TASP1: variants seen among roughly 807,000 people sequenced by gnomAD.
TASP1 encodes taspase 1, also known as threonine aspartase 1.
TASP1 carries 16 observed loss-of-function variants against 56.6 expected under a neutral mutation model. The ratio of observed to expected loss-of-function variants is 0.28; its 90% CI spans 0.19 to 0.43. The LOEUF is 0.43. Ranked by LOEUF, TASP1 falls within the 20% of genes least tolerant of loss-of-function variation. The probability of loss-of-function intolerance (pLI) is 1.00; values close to 1 mark genes in which losing one functional copy is unlikely to be tolerated. For missense variants in TASP1, 393 were observed against 511.6 expected (o/e 0.77, Z 2.24); for synonymous variants, 179 against 184.2 (o/e 0.97, Z 0.23).
At chr20:13,630,558 C>T (rs2049045075) in intron 1 of TASP1, among the ~76,000 whole-genome samples, 1 of 151,724 alleles carries the variant, frequency 6.6e-6, no homozygotes, top group African/African-American at 2.4e-5. Context: ...GGTGTGGTGG[C>T]ACACACCTGT....
At chr20:13,109,043 G>T in the TASP1 span, among the ~76,000 whole-genome samples, 2 of 152,028 alleles carry the variant, frequency 1.3e-5, no homozygotes, top group African/African-American at 2.4e-5. Context: ...ATAAACCTCG[G>T]CCATTTTTTT....
At chr20:13,255,680 C>T in the TASP1 span, among the ~76,000 whole-genome samples, 1 of 152,228 alleles carries the variant, frequency 6.6e-6, no homozygotes, top group Admixed American at 6.5e-5. Context: ...TGAATTACAA[C>T]AAGTCATTCC....
the TASP1 span, among the ~76,000 whole-genome samples, chr20:13,228,264 T>G: frequency 6.6e-5 from 10 of 152,172 alleles, no homozygotes; most frequent in African/African-American, 2.4e-4. Context: ...TGAGCCACTG[T>G]GCCTGGCCTG....
At chr20:13,138,000 T>C in the TASP1 span, among the ~76,000 whole-genome samples, 1 of 152,202 alleles carries the variant, frequency 6.6e-6, no homozygotes, top group African/African-American at 2.4e-5. Context: ...GGATTCAGGC[T>C]GGAGTGACCC....
chr20:13,287,720 G>T, the TASP1 span, among the ~76,000 whole-genome samples: 3 of 152,240 alleles, frequency 2.0e-5, no homozygotes, highest in East Asian at 3.9e-4. Context: ...ATACAAAAAG[G>T]GTTCAATAGG....
the TASP1 span, chr20:13,368,156 GT>G: frequency 1.3e-5 from 2 of 151,976 alleles, no homozygotes; most frequent in African/African-American, 4.8e-5. Context: ...CTAAACCATG[GT>G]TTGAGACCAC....
chr20:13,613,062 T>C (rs1360053557), intron 4 of TASP1, among the ~76,000 whole-genome samples: 1 of 152,184 alleles, frequency 6.6e-6, no homozygotes, highest in Non-Finnish European at 1.5e-5. Flanking sequence ...ATGGCAAAAC[T>C]TTTTTTATTA....
the TASP1 span, among the ~76,000 whole-genome samples, chr20:13,150,584 C>T: frequency 0.012 from 1,771 of 152,240 alleles, 39 homozygotes; most frequent in African/African-American, 0.04. Context: ...ATTCTATGTC[C>T]GGCTTTGTTT....
the TASP1 span, among the ~76,000 whole-genome samples, chr20:13,131,194 A>G: frequency 3.9e-5 from 6 of 152,218 alleles, no homozygotes; most frequent in African/African-American, 1.2e-4. Context: ...ATATTTTTCA[A>G]GTAATCAATC....
intron 11 of TASP1, among the ~76,000 whole-genome samples, chr20:13,445,617 T>G (rs549682131): frequency 1.3e-5 from 2 of 152,242 alleles, no homozygotes; most frequent in Admixed American, 1.3e-4. Context: ...GGCCTAGGTT[T>G]TCAGCCCTAG....
At chr20:13,109,743 T>C in the TASP1 span, among the ~76,000 whole-genome samples, 2 of 152,084 alleles carry the variant, frequency 1.3e-5, no homozygotes, top group African/African-American at 4.8e-5. Flanking sequence ...GATTGATGAG[T>C]GGTATTAATT....
chr20:13,374,387 G>A, the TASP1 span, among the ~76,000 whole-genome samples: 1,571 of 146,712 alleles, frequency 0.011, 28 homozygotes, highest in African/African-American at 0.037. Flanking sequence ...TTGCTCTTTC[G>A]CCCAGGCTGG....
At chr20:13,184,274 T>C in the TASP1 span, among the ~76,000 whole-genome samples, 1 of 152,282 alleles carries the variant, frequency 6.6e-6, no homozygotes, top group African/African-American at 2.4e-5. Context: ...CAGGTACCTA[T>C]GAAATCTTAC....
the TASP1 span, among the ~76,000 whole-genome samples, chr20:13,334,316 G>A: frequency 6.6e-6 from 1 of 152,212 alleles, no homozygotes; most frequent in Non-Finnish European, 1.5e-5. Context: ...GCTTGGTAAG[G>A]GAAGATGGCA....
chr20:13,366,862 T>C, the TASP1 span, among the ~76,000 whole-genome samples: 2 of 135,102 alleles, frequency 1.5e-5, no homozygotes, highest in Non-Finnish European at 3.3e-5. Flanking sequence ...TTTGCCTGAT[T>C]TGACTACACA....
At chr20:13,361,367 T>C in the TASP1 span, among the ~76,000 whole-genome samples, 1 of 152,170 alleles carries the variant, frequency 6.6e-6, no homozygotes, top group African/African-American at 2.4e-5. Context: ...TAAGCCTTTA[T>C]TAGTCAAATC....
chr20:13,455,226 T>C (rs1043050490), intron 11 of TASP1, among the ~76,000 whole-genome samples: 1 of 152,126 alleles, frequency 6.6e-6, no homozygotes, highest in Non-Finnish European at 1.5e-5. Context: ...CAAGGGTAAC[T>C]GAAAATTATT....
Position 13,589,532 on chromosome 20 carries a change from G to A in TASP1, c.283-2162C>T, listed in dbSNP as rs533892841. ...CTTCAAAGAAAACATAACAACAAAT[G>A]TTCATAACCTTGGATAACAAAATAG... On this transcript the variant is annotated intron_variant, in intron 4 of 13. Coordinates refer to ENST00000337743, the MANE Select transcript of TASP1 (RefSeq NM_017714.3). Among the ~76,000 whole-genome samples, 3 of 152,152 alleles carry A rather than the reference G, an allele frequency of 2.0e-5. No homozygotes were observed. The South Asian group carries it at 6.2e-4, about 32-fold the overall frequency.
At chr20:13,433,184 T>G (rs1267985240) in intron 12 of TASP1, among the ~76,000 whole-genome samples, 1 of 152,100 alleles carries the variant, frequency 6.6e-6, no homozygotes, top group Admixed American at 6.6e-5. Context: ...TGTCGATGTG[T>G]TCTCACTGTT....
Sources: allele counts gnomAD v4.1 joint callset (sites outside exome capture counted in the v4.1 genomes callset), GRCh38; gene constraint gnomAD v4.1.1; transcripts MANE v1.5; gene names NCBI Gene and HGNC (gene_info 2026-07-23, HGNC 2026-07-21).